COBL: variants seen among roughly 807,000 people sequenced by gnomAD.
The protein encoded by COBL is cordon-bleu WH2 repeat protein.
In COBL, 51 loss-of-function variants were observed where a neutral mutation model predicts 98.8. The observed-to-expected ratio is 0.52, with a 90% CI of 0.41 to 0.65. The LOEUF is 0.65. Ranked by LOEUF, COBL falls within the 30% of genes least tolerant of loss-of-function variation. The pLI, the probability that COBL is intolerant of heterozygous loss-of-function variation, is 0.00. For missense variants in COBL, 1,617 were observed against 1,617.5 expected (o/e 1.00, Z 0.01); for synonymous variants, 634 against 651.7 (o/e 0.97, Z 0.41).
chr7:51,205,647 GTT>G (rs11463515), intron 2 of COBL, among the ~76,000 whole-genome samples: 1 of 142,410 alleles, frequency 7.0e-6, no homozygotes. Context: ...TTGGTTTTTT[GTT>G]TTTTTTTTTT....
At chr7:51,075,016 G>A (rs544451113) in intron 7 of COBL, among the ~76,000 whole-genome samples, 5 of 152,264 alleles carry the variant, frequency 3.3e-5, no homozygotes, top group Admixed American at 6.5e-5. Context: ...TAACAAAGAA[G>A]TATAACTTCA....
At chr7:51,184,327 A>G (rs1377900715) in intron 4 of COBL, 128 bp from the exon 5 acceptor site, 2 of 559,814 alleles carry the variant, frequency 3.6e-6, no homozygotes, top group Non-Finnish European at 6.2e-6. Context: ...AGGGAAAGCC[A>G]TCAACTATTT....
chr7:51,218,029 GC>G (rs1793261769), intron 2 of COBL, among the ~76,000 whole-genome samples: 1 of 152,158 alleles, frequency 6.6e-6, no homozygotes, highest in Admixed American at 6.5e-5. Flanking sequence ...CAGCCACAGG[GC>G]CCCCACTGAG....
At chr7:51,067,952 G>A (rs1792113409) in intron 7 of COBL, among the ~76,000 whole-genome samples, 1 of 152,212 alleles carries the variant, frequency 6.6e-6, no homozygotes, top group South Asian at 2.1e-4. Context: ...GGCAGAGACG[G>A]AGTGAGGGTC....
intron 1 of COBL, among the ~76,000 whole-genome samples, chr7:51,309,092 C>T (rs2129214757): frequency 6.6e-6 from 1 of 152,308 alleles, no homozygotes; most frequent in Non-Finnish European, 1.5e-5. Flanking sequence ...CACACTTTAA[C>T]ACCTACGTTC....
intron 2 of COBL, among the ~76,000 whole-genome samples, chr7:51,215,653 C>A (rs1221396972): frequency 6.6e-6 from 1 of 152,252 alleles, no homozygotes; most frequent in Non-Finnish European, 1.5e-5. Flanking sequence ...GAACAGCCTT[C>A]TTGGGGCCTA....
intron 4 of COBL, among the ~76,000 whole-genome samples, chr7:51,188,295 G>A (rs928595462): frequency 6.6e-6 from 1 of 152,384 alleles, no homozygotes; most frequent in Admixed American, 6.5e-5. Context: ...GGGCTCAGGA[G>A]TGGACGTCTG....
At chr7:51,257,931 A>C (rs12670414) in intron 1 of COBL, among the ~76,000 whole-genome samples, 9,421 of 152,236 alleles carry the variant, frequency 0.062, 541 homozygotes, top group East Asian at 0.3. Flanking sequence ...AAATGTTTTG[A>C]TTAATGAAAT....
intron 4 of COBL, among the ~76,000 whole-genome samples, chr7:51,185,902 C>T (rs997279776): frequency 2.6e-5 from 4 of 152,256 alleles, no homozygotes; most frequent in African/African-American, 7.2e-5. Context: ...CCTGATATCA[C>T]GCTGTAGGAG....
At chr7:51,236,280 G>GA (rs1795254193) in intron 1 of COBL, among the ~76,000 whole-genome samples, 1 of 152,216 alleles carries the variant, frequency 6.6e-6, no homozygotes, top group African/African-American at 2.4e-5. Context: ...GGGGGATTCA[G>GA]AGGTAGAGGT....
intron 1 of COBL, among the ~76,000 whole-genome samples, chr7:51,239,102 T>C (rs1204435756): frequency 6.6e-6 from 1 of 152,178 alleles, no homozygotes; most frequent in Non-Finnish European, 1.5e-5. Context: ...TTGGGGTTAT[T>C]AAAATCCATT....
At chr7:51,228,182 C>A (rs1794390549) in intron 1 of COBL, among the ~76,000 whole-genome samples, 1 of 152,102 alleles carries the variant, frequency 6.6e-6, no homozygotes. Context: ...CCACGCTGTG[C>A]ATCTCCCCCA....
chr7:51,289,034 G>C (rs986729048), intron 1 of COBL, among the ~76,000 whole-genome samples: 4 of 152,162 alleles, frequency 2.6e-5, no homozygotes, highest in African/African-American at 9.7e-5. Flanking sequence ...ATAGCACAGA[G>C]AGAAAGGAGA....
chr7:51,287,808 C>CT (rs1800518112), intron 1 of COBL, among the ~76,000 whole-genome samples: 1 of 151,784 alleles, frequency 6.6e-6, no homozygotes, highest in South Asian at 2.1e-4. Context: ...TGCATAATAA[C>CT]TGGGCTACAA....
intron 6 of COBL, among the ~76,000 whole-genome samples, chr7:51,098,956 G>A (rs941547863): frequency 1.3e-5 from 2 of 152,086 alleles, no homozygotes; most frequent in African/African-American, 4.8e-5. Context: ...AGAATTTGAA[G>A]AGACGTTTCT....
intron 6 of COBL, among the ~76,000 whole-genome samples, chr7:51,131,215 T>C (rs527818286): frequency 2.0e-5 from 3 of 152,252 alleles, no homozygotes; most frequent in African/African-American, 7.2e-5. Context: ...CAAATAATAG[T>C]GAAAAAAGAA....
intron 1 of COBL, among the ~76,000 whole-genome samples, chr7:51,265,377 C>T (rs984158636): frequency 3.4e-4 from 52 of 152,304 alleles, no homozygotes; most frequent in African/African-American, 1.1e-3. Context: ...GACCCCAGCA[C>T]GCCCAGCCAC....
In COBL at chr7:51,199,497, A is replaced by C. The variant is rs192081334; in HGVS notation, c.246-5908T>G. Among the ~76,000 whole-genome samples, 17 of 152,316 alleles carry C rather than the reference A, an allele frequency of 1.1e-4. No individual in the cohort carries two copies. The East Asian group carries it at 3.1e-3, about 28-fold the overall frequency. On this transcript the variant is annotated intron_variant, in intron 2 of 12. Transcript: ENST00000265136. Reference sequence around the variant, plus strand: ...CCAGAAAAGTGGAGATCCATAAATTACCTGAAAAGGAATCCAAAATAGCCA... The same window carrying C: ...CCAGAAAAGTGGAGATCCATAAATTCCCTGAAAAGGAATCCAAAATAGCCA...
rs937958755 is a variant in COBL at position 51,217,340 on chromosome 7, C to CTTTTTTTTTTTTTTTT, written c.245+2385_245+2400dup. Among the ~76,000 whole-genome samples the CTTTTTTTTTTTTTTTT allele has an allele frequency of 2.6e-4, 33 of 127,726 alleles. 1 individual carries two copies. The highest frequency in any genetic ancestry group is 3.5e-4 in the Non-Finnish European group (21 of 60,818). The allele number at this position is 127,726 out of a possible 152,430, so 83.8% of individuals were successfully genotyped here. A position where few individuals can be genotyped will look rare whatever the true frequency, so the allele number is the denominator to read the frequency against. On this transcript the variant is annotated intron_variant, in intron 2 of 12. Transcript: ENST00000265136. ...CACAATGCCATTTTCTTTTCTTTTT[C>CTTTTTTTTTTTTTTTT]TTTTTTTTTTTTTTTTTTGAGATGG... is the stretch of plus-strand genomic sequence containing the variant.
Sources: allele counts gnomAD v4.1 joint callset (sites outside exome capture counted in the v4.1 genomes callset), GRCh38; gene constraint gnomAD v4.1.1; transcripts MANE v1.5; gene names NCBI Gene and HGNC (gene_info 2026-07-23, HGNC 2026-07-21).